IMPG2: variants seen among roughly 807,000 people sequenced by gnomAD.
The protein encoded by IMPG2 is IPM 200.
A neutral mutation model predicts 129.2 loss-of-function variants in IMPG2; 91 were observed. The observed-to-expected ratio is 0.70, with a 90% CI of 0.59 to 0.84. The LOEUF (loss-of-function observed/expected upper bound fraction) is 0.84. Ranked by LOEUF, IMPG2 falls within the 40% of genes least tolerant of loss-of-function variation. The probability of loss-of-function intolerance (pLI) is 0.00; values close to 1 mark genes in which losing one functional copy is unlikely to be tolerated. For missense variants in IMPG2, 1,430 were observed against 1,461.7 expected, an observed-to-expected ratio of 0.98 and a Z score of 0.35; for synonymous variants, 510 against 517.7, an observed-to-expected ratio of 0.99 and a Z score of 0.20.
Position 101,253,765 on chromosome 3 carries a change from A to G in IMPG2, c.1170T>C (p.Arg390=). The change falls in exon 11 of 19, where the codon CGT becomes CGC. Residue 390 remains arginine, a synonymous_variant. Transcript: ENST00000193391. Reference sequence around the variant, plus strand: ...TCCAAACTAGATCTTCAGTTTGGTGACGCAAAACTCCTCTCACTGAGGAAA... The same window carrying G: ...TCCAAACTAGATCTTCAGTTTGGTGGCGCAAAACTCCTCTCACTGAGGAAA... ...LQLINVRGVL[R]HQTEDLVWNT... 1 of 1,610,334 alleles carries G rather than the reference A, an allele frequency of 6.2e-7. No homozygotes were observed.
chr3:101,228,849 C>T lies in IMPG2; in HGVS notation c.3661G>A (p.Glu1221Lys), dbSNP rs1023070301. The change falls in exon 18 of 19, where the codon GAA (glutamate) becomes AAA (lysine). Residue 1221 changes from glutamate (E) to lysine (K), a missense_variant. Transcript: ENST00000193391. The part of the protein sequence containing the change: ...EEIQERMRVL[E>K]LYANDPEFAA... ...AACTCAGGATCATTGGCATACAGTT[C>T]CAAAACTCTCATTCTCTCTTGAATT... The T allele has an allele frequency of 2.5e-6, 4 of 1,613,670 alleles. No homozygotes were observed. Among genetic ancestry groups the T allele is most frequent in the Non-Finnish European group, 3.4e-6 (4 of 1,179,802 alleles).
intron 3 of IMPG2, among the ~76,000 whole-genome samples, chr3:101,293,934 G>C (rs1364206951): frequency 6.6e-6 from 1 of 152,140 alleles, no homozygotes; most frequent in African/African-American, 2.4e-5. Context: ...CTCTGGATCT[G>C]GCTTTGGTTA....
intron 4 of IMPG2, 109 bp downstream of exon 4, chr3:101,291,370 G>T: frequency 1.1e-6 from 1 of 950,500 alleles, no homozygotes; most frequent in Non-Finnish European, 1.7e-6. Flanking sequence ...TGGTCATTGC[G>T]AACTGGCAAG....
intron 9 of IMPG2, among the ~76,000 whole-genome samples, chr3:101,261,170 C>T (rs1418614335): frequency 6.6e-6 from 1 of 152,082 alleles, no homozygotes; most frequent in African/African-American, 2.4e-5. Context: ...GCGTGATAGA[C>T]CATATCTACC....
At chr3:101,257,504 A>G in intron 10 of IMPG2, 25 bp downstream of exon 10, 1 of 1,612,458 alleles carries the variant, frequency 6.2e-7, no homozygotes, top group Non-Finnish European at 8.5e-7. Flanking sequence ...CTATACAAGG[A>G]CTTCATGATG....
At chr3:101,227,046 C>T (rs902327128) in intron 18 of IMPG2, 65 bp from the exon 19 acceptor site, 29 of 1,469,344 alleles carry the variant, frequency 2.0e-5, no homozygotes, top group Admixed American at 6.7e-5. Flanking sequence ...AATGCAATTA[C>T]TGTCATACAT....
chr3:101,280,998 A>G (rs1174463592), intron 4 of IMPG2, among the ~76,000 whole-genome samples: 2 of 152,004 alleles, frequency 1.3e-5, no homozygotes, highest in African/African-American at 4.8e-5. Context: ...ATTCTCAACT[A>G]CAATTCTCAA....
Position 101,231,117 on chromosome 3 carries a change from G to A in IMPG2, c.3262C>T (p.Arg1088Ter), listed in dbSNP as rs199867882. The change falls in exon 16 of 19, where the codon CGA becomes TGA. Residue 1088 changes from arginine to a stop codon, truncating the protein, a stop_gained. Transcript: ENST00000193391. LOFTEE classifies it high-confidence loss of function. ...ACAAATTCCTCACAGTGCTTGCCTC[G>A]GTACCACCAGTTCTCACCCACCCGG... The part of the protein sequence containing the change: ...RCRVGENWWY[R>*]GKHCEEFVSE... The A allele has an allele frequency of 3.1e-5, 50 of 1,614,004 alleles. No individual in the cohort carries two copies. Among genetic ancestry groups the A allele is most frequent in the Middle Eastern group, 1.7e-4 (1 of 6,050 alleles).
In IMPG2 at chr3:101,225,462, T is replaced by C. The variant is rs1322700412; in HGVS notation, c.*1507A>G. On this transcript the variant is annotated 3_prime_UTR_variant, in exon 19 of 19. Transcript: ENST00000193391. ...ACACACACAACCTGTTATCCATACA[T>C]ACTTTGCAAAATACCTGGCCATCTT... The C allele has an allele frequency of 1.3e-5, 2 of 152,276 alleles. No individual in the cohort carries two copies. The highest frequency in any genetic ancestry group is 1.9e-4 in the East Asian group (1 of 5,190). The allele number at this position is 152,276 out of a possible 1,614,324, so 9.4% of individuals were successfully genotyped here.
chr3:101,257,649 G>T lies in IMPG2; in HGVS notation c.1033C>A (p.Pro345Thr). ...NHGLVELDDKPTVVYTISNFR... is the reference protein window; with the variant it reads ...NHGLVELDDKTTVVYTISNFR... The stretch of plus-strand genomic sequence containing the variant: ...TTACTGATTGTATAAACAACAGTGG[G>T]TTTATCATCCAGTTCCACAAGGCCA... Residue 345 changes from proline to threonine, a missense_variant, in exon 10 of 19, where the codon CCC (proline) becomes ACC (threonine). Physicochemically the swap from Pro to Thr is conservative, Grantham distance 38. Coordinates refer to ENST00000193391, the MANE Select transcript of IMPG2 (RefSeq NM_016247.4). 1 of 1,613,456 alleles carries T rather than the reference G, an allele frequency of 6.2e-7. No individual in the cohort carries two copies. The highest frequency in any genetic ancestry group is 1.3e-5 in the African/African-American group (1 of 75,008).
chr3:101,310,130 T>C (rs892756674), intron 2 of IMPG2, among the ~76,000 whole-genome samples: 1 of 152,184 alleles, frequency 6.6e-6, no homozygotes, highest in African/African-American at 2.4e-5. Flanking sequence ...GTAGTACATA[T>C]AAGATTTATG....
At chr3:101,313,312 G>C (rs1029562130) in intron 2 of IMPG2, among the ~76,000 whole-genome samples, 5 of 152,084 alleles carry the variant, frequency 3.3e-5, no homozygotes, top group African/African-American at 1.2e-4. Context: ...GAAGAGAGAA[G>C]AGCAAAATCA....
At chr3:101,292,204 C>T (rs1009193105) in intron 3 of IMPG2, among the ~76,000 whole-genome samples, 3 of 152,168 alleles carry the variant, frequency 2.0e-5, no homozygotes, top group Non-Finnish European at 4.4e-5. Context: ...CTAAATACCT[C>T]TCATTGCATT....
rs1225141856 is a variant in IMPG2 at position 101,320,529 on chromosome 3, G to A, written c.-157C>T. On this transcript the variant is annotated 5_prime_UTR_variant, in exon 1 of 19. Transcript: ENST00000193391. The stretch of plus-strand genomic sequence containing the variant: ...CACTTCAAAACCATTATAAATTAGC[G>A]GAAAGAAAAATGGTTGTCCTTTCAA... 16 of 623,880 alleles carry A rather than the reference G, an allele frequency of 2.6e-5. No individual in the cohort carries two copies. Among genetic ancestry groups the A allele is most frequent in the Middle Eastern group, 4.0e-4 (1 of 2,474 alleles). 38.6% of individuals were successfully genotyped at this position (623,880 alleles called of 1,614,324 possible).
chr3:101,316,464 T>TA, intron 2 of IMPG2, among the ~76,000 whole-genome samples: 1 of 151,858 alleles, frequency 6.6e-6, no homozygotes, highest in African/African-American at 2.4e-5. Flanking sequence ...GACTCCTCAC[T>TA]AAAAAAAGAT....
At chr3:101,291,280 C>T (rs548324337) in intron 4 of IMPG2, among the ~76,000 whole-genome samples, 199 bp downstream of exon 4, 128 of 152,218 alleles carry the variant, frequency 8.4e-4, no homozygotes, top group Non-Finnish European at 1.4e-3. Flanking sequence ...ACAGCAAATG[C>T]GCACAGTGGC....
At position 101,231,995 on chromosome 3, in the gene IMPG2, T is replaced by C. The variant is rs532112988; in HGVS notation, c.3233+786A>G. ...AAAACTTTAAATACTTTAAAGTTTTTAAATGTTTGTCTTTATTTTTGAATG... is the reference window on the plus strand; with the variant it reads ...AAAACTTTAAATACTTTAAAGTTTTCAAATGTTTGTCTTTATTTTTGAATG... On this transcript the variant is annotated intron_variant, in intron 15 of 18. Coordinates refer to ENST00000193391, the MANE Select transcript of IMPG2 (RefSeq NM_016247.4). 2.8e-4 allele frequency among the ~76,000 whole-genome samples: 42 copies of C among 152,324 alleles called. No homozygotes were observed. The South Asian group carries it at 4.4e-3, about 16-fold the overall frequency.
chr3:101,234,109 C>T (rs537280671), intron 14 of IMPG2, among the ~76,000 whole-genome samples: 2 of 150,322 alleles, frequency 1.3e-5, no homozygotes, highest in South Asian at 4.3e-4. Context: ...CATCCAGAAC[C>T]GCAGAATATG....
intron 14 of IMPG2, among the ~76,000 whole-genome samples, chr3:101,240,209 C>A (rs1706391925): frequency 6.6e-6 from 1 of 151,932 alleles, no homozygotes; most frequent in Non-Finnish European, 1.5e-5. Context: ...TCTCAACCTC[C>A]TAGACTCCAG....
Sources: allele counts gnomAD v4.1 joint callset (sites outside exome capture counted in the v4.1 genomes callset), GRCh38; gene constraint gnomAD v4.1.1; transcripts MANE v1.5; gene names NCBI Gene and HGNC (gene_info 2026-07-23, HGNC 2026-07-21).